TIMP3: variants seen among roughly 807,000 people sequenced by gnomAD.
TIMP3 encodes metalloproteinase inhibitor 3.
TIMP3 carries 11 observed loss-of-function variants against 30.0 expected under a neutral mutation model. The ratio of observed to expected loss-of-function variants is 0.37; its 90% CI spans 0.23 to 0.61. The LOEUF (loss-of-function observed/expected upper bound fraction) is 0.61. Ranked by LOEUF, TIMP3 falls within the 20% of genes least tolerant of loss-of-function variation. TIMP3 has a pLI of 0.70. For synonymous variants in TIMP3, 112 were observed against 111.3 expected, an observed-to-expected ratio of 1.01 and a Z score of -0.04; for missense variants, 181 against 276.8, an observed-to-expected ratio of 0.65 and a Z score of 2.45.
At chr22:32,804,687 G>A (rs1192433107) in intron 1 of TIMP3, among the ~76,000 whole-genome samples, 1 of 152,188 alleles carries the variant, frequency 6.6e-6, no homozygotes, top group African/African-American at 2.4e-5. Context: ...GCCTGGCATG[G>A]CATTCTGGGG....
chr22:32,820,269 CGT>C lies in TIMP3; in HGVS notation c.121+18165_121+18166del, dbSNP rs374591413. Among the ~76,000 whole-genome samples the C allele has an allele frequency of 6.3e-3, 911 of 144,556 alleles. 6 individuals carry two copies. Among genetic ancestry groups the C allele is most frequent in the African/African-American group, 0.016 (637 of 39,628 alleles). The allele number at this position is 144,556 out of a possible 152,430, so 94.8% of individuals were successfully genotyped here. A position where few individuals can be genotyped will look rare whatever the true frequency, so the allele number is the denominator to read the frequency against. On this transcript the variant is annotated intron_variant, in intron 1 of 4. Transcript: ENST00000266085. The stretch of plus-strand genomic sequence containing the variant: ...GTGTGTGTGTGTGTGTGTGCGTGCG[CGT>C]GTGTGTGTGTGTGTGTGGTGTGTGT...
In TIMP3 at chr22:32,837,551, T is replaced by C. The variant is rs2047770896; in HGVS notation, c.122-11901T>C. On this transcript the variant is annotated intron_variant, in intron 1 of 4. Coordinates refer to ENST00000266085, the MANE Select transcript of TIMP3 (RefSeq NM_000362.5). The surrounding 1 kb of genome is among the most constrained non-coding windows in gnomAD (Gnocchi z 4.1). ...GGGTACGGCGGGAGACAGAGATGCA[T>C]GAAATACTAACGTTGAAGATTAGAA... is the stretch of plus-strand genomic sequence containing the variant. Among the ~76,000 whole-genome samples the C allele has an allele frequency of 6.6e-6, 1 of 151,910 alleles. No individual in the cohort carries two copies.
At chr22:32,813,283 G>A (rs2046961807) in intron 1 of TIMP3, among the ~76,000 whole-genome samples, 1 of 152,130 alleles carries the variant, frequency 6.6e-6, no homozygotes, top group Non-Finnish European at 1.5e-5. Flanking sequence ...ATGATAAACA[G>A]CATCTGAGCT....
intron 1 of TIMP3, among the ~76,000 whole-genome samples, chr22:32,846,626 C>T (rs2048071085): frequency 6.6e-6 from 1 of 152,236 alleles, no homozygotes; most frequent in South Asian, 2.1e-4. Flanking sequence ...TTAGCAACTT[C>T]CTGAAGGTCA....
At chr22:32,806,666 G>A (rs1025740956) in intron 1 of TIMP3, among the ~76,000 whole-genome samples, 1 of 152,150 alleles carries the variant, frequency 6.6e-6, no homozygotes, top group Non-Finnish European at 1.5e-5. Context: ...ATAACAATTT[G>A]TACCATCTTG....
In TIMP3 at chr22:32,845,429, A is replaced by G. The variant is rs543551070; in HGVS notation, c.122-4023A>G. Among the ~76,000 whole-genome samples the G allele has an allele frequency of 1.2e-4, 19 of 152,172 alleles. 1 individual carries two copies. In the South Asian group the frequency reaches 2.5e-3, roughly 20 times the overall value. Reference sequence around the variant, plus strand: ...ATGGTCTCAATCTCTTGACCTCGTGATCTGCCCACCTCAGCCTCCCAAAGT... The same window carrying G: ...ATGGTCTCAATCTCTTGACCTCGTGGTCTGCCCACCTCAGCCTCCCAAAGT... On this transcript the variant is annotated intron_variant, in intron 1 of 4. Coordinates refer to ENST00000266085, the MANE Select transcript of TIMP3 (RefSeq NM_000362.5).
chr22:32,817,562 G>A (rs1293832013), intron 1 of TIMP3, among the ~76,000 whole-genome samples: 1 of 152,160 alleles, frequency 6.6e-6, no homozygotes, highest in Non-Finnish European at 1.5e-5. Context: ...AGAAATGGCT[G>A]TAGTGGTGCC....
rs1477765223 is a variant in TIMP3 at position 32,860,652 on chromosome 22, T to G, written c.*1275T>G. 1 of 152,604 alleles carries G rather than the reference T, an allele frequency of 6.6e-6. No homozygotes were observed. The highest frequency in any genetic ancestry group is 1.5e-5 in the Non-Finnish European group (1 of 68,052). 9.5% of individuals were successfully genotyped at this position (152,604 alleles called of 1,614,324 possible). A position where few individuals can be genotyped will look rare whatever the true frequency, so the allele number is the denominator to read the frequency against. On this transcript the variant is annotated 3_prime_UTR_variant, in exon 5 of 5. Transcript: ENST00000266085. ...GTCCCTGCTTCATGTTTGGGGGCCT[T>G]TCTTTAACTGCCTTCCTGGCTTAGC... is the stretch of plus-strand genomic sequence containing the variant.
chr22:32,842,121 A>T (rs73158349), intron 1 of TIMP3, among the ~76,000 whole-genome samples: 16,634 of 152,156 alleles, frequency 0.11, 1,092 homozygotes, highest in African/African-American at 0.19. Flanking sequence ...ATCTGCTGGG[A>T]TGGGAAGTGA....
intron 2 of TIMP3, among the ~76,000 whole-genome samples, chr22:32,856,930 C>T (rs1392276431): frequency 6.6e-6 from 1 of 152,194 alleles, no homozygotes; most frequent in African/African-American, 2.4e-5. Context: ...CTGTGCCTGG[C>T]TTATTCCGCT....
chr22:32,825,666 A>G (rs1026813866), intron 1 of TIMP3, among the ~76,000 whole-genome samples: 2 of 98,158 alleles, frequency 2.0e-5, no homozygotes, highest in Admixed American at 9.0e-5. Context: ...TCAAAAAAAA[A>G]AAAAAAAAAA....
chr22:32,802,527 A>G (rs1232893065), intron 1 of TIMP3, among the ~76,000 whole-genome samples: 1 of 151,250 alleles, frequency 6.6e-6, no homozygotes, highest in African/African-American at 2.4e-5. Context: ...AAAAAAAAAA[A>G]GTTGCCCGCC....
At chr22:32,835,668 T>C (rs900485263) in intron 1 of TIMP3, among the ~76,000 whole-genome samples, 6 of 152,152 alleles carry the variant, frequency 3.9e-5, no homozygotes, top group Non-Finnish European at 5.9e-5. Flanking sequence ...AAAGTATACT[T>C]GTTCGCCCCT....
intron 2 of TIMP3, 53 bp from the exon 3 acceptor site, chr22:32,857,196 T>C (rs2146285403): frequency 1.5e-5 from 21 of 1,367,166 alleles, no homozygotes; most frequent in East Asian, 2.3e-5. Context: ...TTAGGGATCA[T>C]ACGGGTGTCC....
intron 2 of TIMP3, among the ~76,000 whole-genome samples, chr22:32,856,949 C>A (rs2048386190): frequency 6.6e-6 from 1 of 152,216 alleles, no homozygotes; most frequent in Non-Finnish European, 1.5e-5. Context: ...CTTAGCAAAA[C>A]GACCTCCAGT....
intron 1 of TIMP3, among the ~76,000 whole-genome samples, chr22:32,803,166 ACTGGG>A (rs773095757): frequency 9.2e-5 from 14 of 152,214 alleles, no homozygotes; most frequent in Admixed American, 1.3e-4. Context: ...GTGTGTGTGC[ACTGGG>A]CTGGGCTGGG....
chr22:32,828,994 C>A (rs955517380), intron 1 of TIMP3, among the ~76,000 whole-genome samples: 2 of 152,138 alleles, frequency 1.3e-5, no homozygotes, highest in African/African-American at 4.8e-5. Flanking sequence ...GCCCCAGGAG[C>A]GGTCTTGAGG....
chr22:32,830,812 C>T (rs1225075773), intron 1 of TIMP3, among the ~76,000 whole-genome samples: 2 of 152,198 alleles, frequency 1.3e-5, no homozygotes, highest in African/African-American at 4.8e-5. Flanking sequence ...TGGCTTCTCC[C>T]AGTGGATTCC....
intron 1 of TIMP3, among the ~76,000 whole-genome samples, chr22:32,832,691 T>C (rs1314488430): frequency 6.6e-6 from 1 of 152,006 alleles, no homozygotes; most frequent in Non-Finnish European, 1.5e-5. Context: ...TTTTATTTTA[T>C]TTTATTTTAT....
Sources: gnomAD v4.1 joint callset for allele counts (sites outside exome capture counted in the v4.1 genomes callset) on GRCh38, gnomAD v4.1.1 for gene constraint, Gnocchi (gnomAD v3.1) non-coding constraint, MANE v1.5 for transcripts, NCBI Gene and HGNC (gene_info 2026-07-23, HGNC 2026-07-21) for gene names.